The following VNN2 variants were observed in gnomAD, a reference collection of about 807,000 sequenced individuals.
The protein encoded by VNN2 is vanin 2.
Under a neutral mutation model 43.0 loss-of-function variants are expected in VNN2, and 43 were observed. The ratio of observed to expected loss-of-function variants is 1.00; its 90% CI spans 0.78 to 1.29. The LOEUF is 1.29. Ranked by LOEUF, VNN2 falls within the 50% of genes most tolerant of loss-of-function variation. VNN2 has a pLI of 0.00. For synonymous variants in VNN2, 230 were observed against 224.3 expected (o/e 1.03, Z -0.23); for missense variants, 652 against 619.7 (o/e 1.05, Z -0.55).
chr6:132,757,556 A>G lies in VNN2; in HGVS notation c.214-10T>C. 6.2e-7 allele frequency: 1 copy of G among 1,611,780 alleles called. No homozygotes were observed. The highest frequency in any genetic ancestry group is 2.2e-5 in the East Asian group (1 of 44,870). On this transcript the variant is annotated splice_polypyrimidine_tract_variant and intron_variant, in intron 1 of 6. Coordinates refer to ENST00000326499, the MANE Select transcript of VNN2 (RefSeq NM_004665.6). ...CAATGATTCGAGCACCCTGTTCAAA[A>G]CAAGCAAAATAAAAATGATTTTTCC...
At chr6:132,749,671 A>T in intron 6 of VNN2, 24 bp downstream of exon 6, 1 of 1,592,060 alleles carries the variant, frequency 6.3e-7, no homozygotes, top group Non-Finnish European at 8.6e-7. Flanking sequence ...TAAAATGAAA[A>T]TACTCTTATA....
intron 3 of VNN2, among the ~76,000 whole-genome samples, chr6:132,754,972 A>G (rs1780363764): frequency 6.6e-6 from 1 of 152,158 alleles, no homozygotes; most frequent in South Asian, 2.1e-4. Context: ...TGAAGAGTTC[A>G]AAGACAGCCT....
chr6:132,754,129 G>A lies in VNN2; in HGVS notation c.538-1380C>T, dbSNP rs553394520. On this transcript the variant is annotated intron_variant, in intron 3 of 6. Transcript: ENST00000326499. ...TTCCTTGCTAGTTTGTCCACATTCA[G>A]TGCACTGTGCCATCCTGCATATTTA... Among the ~76,000 whole-genome samples the A allele has an allele frequency of 3.3e-4, 51 of 152,266 alleles. 1 individual carries two copies. Among genetic ancestry groups the A allele is most frequent in the African/African-American group, 1.1e-3 (47 of 41,552 alleles).
At chr6:132,758,021 CTTCTTCTTCTTCTTCTTCTTT>C, upstream of VNN2, 1 of 70,572 alleles carries the variant, frequency 1.4e-5, no homozygotes, top group African/African-American at 1.9e-4. Flanking sequence ...TCTTCTTCTT[CTTCTTCTTCTTCTTCTTCTTT>C]TTTTTTTTTT....
chr6:132,744,129 G>T lies in VNN2; in HGVS notation c.*171C>A. 1.8e-6 allele frequency: 1 copy of T among 548,764 alleles called. No homozygotes were observed. The highest frequency in any genetic ancestry group is 2.9e-6 in the Non-Finnish European group (1 of 340,576). 34.0% of individuals were successfully genotyped at this position (548,764 alleles called of 1,614,324 possible). A position where few individuals can be genotyped will look rare whatever the true frequency, so the allele number is the denominator to read the frequency against. Reference sequence around the variant, plus strand: ...AACATTTCAGAGTAGCCAAAAAAATGGACAACATTATCATAATACTTAAAA... The same window carrying T: ...AACATTTCAGAGTAGCCAAAAAAATTGACAACATTATCATAATACTTAAAA... On this transcript the variant is annotated 3_prime_UTR_variant, in exon 7 of 7. Coordinates refer to ENST00000326499, the MANE Select transcript of VNN2 (RefSeq NM_004665.6).
At chr6:132,744,515 C>T (rs1582810123) in intron 6 of VNN2, 24 bp from the exon 7 acceptor site, 2 of 1,553,742 alleles carry the variant, frequency 1.3e-6, no homozygotes, top group Non-Finnish European at 1.7e-6. Flanking sequence ...GGGAAAAGTA[C>T]AGTCAGCTTT....
chr6:132,751,354 G>T lies in VNN2; in HGVS notation c.991C>A (p.Pro331Thr). The T allele has an allele frequency of 6.2e-7, 1 of 1,614,130 alleles. No individual in the cohort carries two copies. The highest frequency in any genetic ancestry group is 8.5e-7 in the Non-Finnish European group (1 of 1,180,004). ...NAYATTIKPFPVQKNTFRGFI... is the reference protein window; with the variant it reads ...NAYATTIKPFTVQKNTFRGFI... ...CCCCTGAAAGTGTTTTTCTGTACTG[G>T]AAATGGTTTGATGGTGGTGGCGTAG... The change falls in exon 5 of 7, where the codon CCA (proline) becomes ACA (threonine). Residue 331 changes from proline (P) to threonine (T), a missense_variant. Physicochemically the swap from Pro to Thr is conservative, Grantham distance 38. Coordinates refer to ENST00000326499, the MANE Select transcript of VNN2 (RefSeq NM_004665.6).
chr6:132,749,076 G>A (rs1159441621), intron 6 of VNN2, among the ~76,000 whole-genome samples: 1 of 152,154 alleles, frequency 6.6e-6, no homozygotes, highest in Non-Finnish European at 1.5e-5. Context: ...TTCTTCCAAT[G>A]AAGTATCATC....
At chr6:132,760,256 C>A (rs1562256058), upstream of VNN2, among the ~76,000 whole-genome samples, 1 of 152,116 alleles carries the variant, frequency 6.6e-6, no homozygotes, top group Non-Finnish European at 1.5e-5. Context: ...CTCACTTCAG[C>A]CTCCACCTCC....
At chr6:132,751,101 A>C in intron 5 of VNN2, 44 bp downstream of exon 5, 2 of 1,532,536 alleles carry the variant, frequency 1.3e-6, no homozygotes, top group East Asian at 4.5e-5. Flanking sequence ...TTAACCTGGA[A>C]TTTACCTTTC....
intron 6 of VNN2, among the ~76,000 whole-genome samples, chr6:132,747,358 C>T (rs1779780121): frequency 6.6e-6 from 1 of 152,154 alleles, no homozygotes; most frequent in South Asian, 2.1e-4. Context: ...TGGCTCATGC[C>T]TGTAATTCCA....
intron 2 of VNN2, 30 bp from the exon 3 acceptor site, chr6:132,756,065 AT>A: frequency 6.7e-7 from 1 of 1,500,268 alleles, no homozygotes; most frequent in South Asian, 1.3e-5. Context: ...AGAAATTTCA[AT>A]TTTAAAAAAA....
chr6:132,759,751 A>G (rs1728976935), upstream of VNN2, among the ~76,000 whole-genome samples: 1 of 152,232 alleles, frequency 6.6e-6, no homozygotes, highest in Admixed American at 6.5e-5. Context: ...AGTTTCTATT[A>G]AAGGAATAAC....
At chr6:132,756,391 T>C (rs923636509) in intron 2 of VNN2, among the ~76,000 whole-genome samples, 5 of 152,190 alleles carry the variant, frequency 3.3e-5, no homozygotes, top group Admixed American at 6.5e-5. Context: ...GCTTTAATCC[T>C]CATCTCTCTC....
intron 6 of VNN2, among the ~76,000 whole-genome samples, chr6:132,744,756 C>T (rs887820856): frequency 1.1e-4 from 16 of 152,186 alleles, no homozygotes; most frequent in South Asian, 4.1e-4. Context: ...TCATTGAGTT[C>T]GATTATGTGC....
rs990285449 is a variant in VNN2, at chr6:132,755,895, T to C, written c.485A>G (p.Asn162Ser). Residue 162 changes from asparagine (N) to serine (S), a missense_variant, in exon 3 of 7, where the codon AAT becomes AGT. Asn to Ser is a conservative substitution (Grantham distance 46). Coordinates refer to ENST00000326499, the MANE Select transcript of VNN2 (RefSeq NM_004665.6). The part of the protein sequence containing the change: ...TCPPNGYFQY[N>S]TNVVYNTEGK... ...TTCTGTATTATACACCACATTGGTA[T>C]TGTATTGAAAGTAGCCATTAGGAGG... The C allele has an allele frequency of 1.2e-6, 2 of 1,613,988 alleles. No individual in the cohort carries two copies. The highest frequency in any genetic ancestry group is 1.3e-5 in the African/African-American group (1 of 75,036).
intron 2 of VNN2, among the ~76,000 whole-genome samples, 169 bp from the exon 3 acceptor site, chr6:132,756,204 G>T (rs1780467847): frequency 6.6e-6 from 1 of 152,132 alleles, no homozygotes; most frequent in Non-Finnish European, 1.5e-5. Flanking sequence ...CTTGATGAAT[G>T]CTTCCCACAC....
rs1315517937 is a variant in VNN2 at position 132,744,310 on chromosome 6, A to G, written c.1553T>C (p.Val518Ala). 5 of 1,612,300 alleles carry G rather than the reference A, an allele frequency of 3.1e-6. No individual in the cohort carries two copies. The highest frequency in any genetic ancestry group is 4.2e-6 in the Non-Finnish European group (5 of 1,179,538). ...LLMIIALQNI[V>A]ML ...TGATAAAGAGACGCCCTATAACATT[A>G]CAATATTTTGCAAAGCTATGATCAT... Residue 518 changes from valine (V) to alanine (A), a missense_variant, in exon 7 of 7, where the codon GTA (valine) becomes GCA (alanine). Coordinates refer to ENST00000326499, the MANE Select transcript of VNN2 (RefSeq NM_004665.6).
intron 5 of VNN2, among the ~76,000 whole-genome samples, chr6:132,750,630 C>G (rs1476540698): frequency 1.4e-5 from 2 of 145,902 alleles, no homozygotes; most frequent in African/African-American, 5.1e-5. Flanking sequence ...TGCTACTGCA[C>G]TCTAGCCAGG....
Sources: gnomAD v4.1 joint callset for allele counts (sites outside exome capture counted in the v4.1 genomes callset) on GRCh38, gnomAD v4.1.1 for gene constraint, MANE v1.5 for transcripts, NCBI Gene and HGNC (gene_info 2026-07-23, HGNC 2026-07-21) for gene names.